Variants in VRK2 observed in about 807,000 individuals in gnomAD.
The protein encoded by VRK2 is VRK serine/threonine kinase 2.
VRK2 carries 60 observed loss-of-function variants against 57.6 expected under a neutral mutation model. That is an observed-to-expected ratio of 1.04 (90% CI 0.85 to 1.29). VRK2 has a LOEUF of 1.29. VRK2 is among the 50% of genes most tolerant of loss of function. The pLI, the probability that VRK2 is intolerant of heterozygous loss-of-function variation, is 0.00. For synonymous variants in VRK2, 231 were observed against 199.2 expected (o/e 1.16, Z -1.35); for missense variants, 705 against 588.1 (o/e 1.20, Z -2.06).
chr2:58,025,704 C>T (rs558550904), exon 2 of VRK2: 1 of 152,254 alleles, frequency 6.6e-6, no homozygotes, highest in African/African-American at 2.4e-5. Context: ...GGATGCCCTT[C>T]TGTTTTGGAA....
chr2:57,999,026 T>C (rs1321404814), intron 1 of VRK2, among the ~76,000 whole-genome samples: 5 of 151,964 alleles, frequency 3.3e-5, no homozygotes, highest in Admixed American at 3.3e-4. Context: ...TATGAAAAAA[T>C]TTATATCTAC....
chr2:57,942,677 G>T (rs1364613729), intron 1 of VRK2, among the ~76,000 whole-genome samples: 1 of 152,150 alleles, frequency 6.6e-6, no homozygotes, highest in African/African-American at 2.4e-5. Flanking sequence ...GGCCATGTTC[G>T]ATGATACAAA....
chr2:57,926,228 T>A (rs898100670), intron 1 of VRK2, among the ~76,000 whole-genome samples: 1 of 151,950 alleles, frequency 6.6e-6, no homozygotes, highest in East Asian at 1.9e-4. Flanking sequence ...TCTGTATATA[T>A]CTGCTAGGTC....
At chr2:58,002,904 A>G (rs1003994898) in intron 1 of VRK2, among the ~76,000 whole-genome samples, 8 of 152,226 alleles carry the variant, frequency 5.3e-5, no homozygotes, top group Admixed American at 2.0e-4. Flanking sequence ...ATTTGCATGC[A>G]GACTTGTAGA....
intron 7 of VRK2, among the ~76,000 whole-genome samples, chr2:58,117,936 C>G (rs1676775919): frequency 6.6e-6 from 1 of 151,990 alleles, no homozygotes. Context: ...GTTCCTTGCC[C>G]TCCAGAAAAG....
rs932515166 is a variant in VRK2 at position 58,048,556 on chromosome 2, A to G, written c.-5-271A>G. 8.6e-6 allele frequency: 12 copies of G among 1,388,302 alleles called. No homozygotes were observed. The African/African-American group carries it at 1.6e-4, about 18-fold the overall frequency. 86.0% of individuals were successfully genotyped at this position (1,388,302 alleles called of 1,614,324 possible). On this transcript the variant is annotated intron_variant, in intron 1 of 12. Coordinates refer to ENST00000340157, the MANE Select transcript of VRK2 (RefSeq NM_006296.7). ...GTCCTGCACTGTTAATATGTGCTATAGAACCCCGAAATGAATTTTGGATGA... is the reference window on the plus strand; with the variant it reads ...GTCCTGCACTGTTAATATGTGCTATGGAACCCCGAAATGAATTTTGGATGA...
rs376031061 is a variant in VRK2 at position 58,101,740 on chromosome 2, G to A, written c.543+12017G>A. Reference sequence around the variant, plus strand: ...GGTTGTTAGCTAAAATCTGATTTAGGAAACTGCTGGTGTAGAACCAGGTGA... The same window carrying A: ...GGTTGTTAGCTAAAATCTGATTTAGAAAACTGCTGGTGTAGAACCAGGTGA... On this transcript the variant is annotated intron_variant, in intron 7 of 12. Transcript: ENST00000340157. 2.0e-5 allele frequency among the ~76,000 whole-genome samples: 3 copies of A among 151,628 alleles called. No individual in the cohort carries two copies. The East Asian group carries it at 5.8e-4, about 29-fold the overall frequency.
At chr2:58,140,134 T>G (rs568527970) in intron 11 of VRK2, among the ~76,000 whole-genome samples, 9 of 152,052 alleles carry the variant, frequency 5.9e-5, no homozygotes, top group Non-Finnish European at 1.2e-4. Flanking sequence ...ATCATTTGCT[T>G]CTTTTCTCCA....
At chr2:57,977,855 TG>T (rs1672297790) in intron 1 of VRK2, among the ~76,000 whole-genome samples, 2 of 151,374 alleles carry the variant, frequency 1.3e-5, no homozygotes, top group Admixed American at 1.3e-4. Context: ...GCTGTAGGTT[TG>T]TCAGAGATGG....
At chr2:57,914,675 A>T (rs11895197) in intron 1 of VRK2, among the ~76,000 whole-genome samples, 42,976 of 151,930 alleles carry the variant, frequency 0.28, 6,843 homozygotes, top group African/African-American at 0.45. Flanking sequence ...GCAACAACAG[A>T]TGTATATACA....
At chr2:58,075,137 A>G (rs977566324) in intron 2 of VRK2, among the ~76,000 whole-genome samples, 2 of 152,110 alleles carry the variant, frequency 1.3e-5, no homozygotes, top group African/African-American at 2.4e-5. Context: ...AAGTGAGGAC[A>G]TGCAGTATCT....
chr2:58,127,326 T>C (rs1678512718), intron 8 of VRK2, among the ~76,000 whole-genome samples: 1 of 152,150 alleles, frequency 6.6e-6, no homozygotes, highest in Non-Finnish European at 1.5e-5. Context: ...TACTTATGTC[T>C]TGGCCTTTTG....
At chr2:58,038,190 G>T (rs905972368) in intron 3 of VRK2, among the ~76,000 whole-genome samples, 1 of 152,018 alleles carries the variant, frequency 6.6e-6, no homozygotes. Context: ...GGATCATGGG[G>T]GTGTTTTCCC....
At chr2:58,049,846 A>G (rs112215411) in intron 2 of VRK2, among the ~76,000 whole-genome samples, 1 of 152,344 alleles carries the variant, frequency 6.6e-6, no homozygotes, top group African/African-American at 2.4e-5. Flanking sequence ...ATCCTGAAAT[A>G]TAAAAGATCC....
At chr2:57,995,075 T>C (rs971915791) in intron 1 of VRK2, among the ~76,000 whole-genome samples, 2 of 152,344 alleles carry the variant, frequency 1.3e-5, no homozygotes, top group Non-Finnish European at 2.9e-5. Context: ...TGTTCTTCTT[T>C]GGTACTACAA....
At chr2:58,102,432 A>G (rs1420080638) in intron 7 of VRK2, among the ~76,000 whole-genome samples, 10 of 151,218 alleles carry the variant, frequency 6.6e-5, no homozygotes, top group East Asian at 1.9e-4. Flanking sequence ...GCAGAAACCA[A>G]AAGCAAGCAG....
At chr2:58,035,772 C>A (rs948296775) in intron 3 of VRK2, among the ~76,000 whole-genome samples, 1 of 152,014 alleles carries the variant, frequency 6.6e-6, no homozygotes, top group South Asian at 2.1e-4. Flanking sequence ...TAGAATCATT[C>A]TATTTTATAA....
upstream of VRK2, among the ~76,000 whole-genome samples, chr2:58,041,828 A>G (rs973418630): frequency 3.3e-5 from 5 of 152,080 alleles, no homozygotes; most frequent in Admixed American, 2.6e-4. Context: ...CCTTATCTTA[A>G]CCCAGATATT....
At chr2:57,989,600 T>G (rs1672702183) in intron 1 of VRK2, among the ~76,000 whole-genome samples, 1 of 152,170 alleles carries the variant, frequency 6.6e-6, no homozygotes, top group African/African-American at 2.4e-5. Context: ...CTAGGCAGAT[T>G]CAAGATCAAA....
Sources: gnomAD v4.1 joint callset for allele counts (sites outside exome capture counted in the v4.1 genomes callset) on GRCh38, gnomAD v4.1.1 for gene constraint, MANE v1.5 for transcripts, NCBI Gene and HGNC (gene_info 2026-07-23, HGNC 2026-07-21) for gene names.